RAD51B: variants seen among roughly 807,000 people sequenced by gnomAD.
RAD51B encodes the protein DNA repair protein RAD51 homolog 2.
In RAD51B, 38 loss-of-function variants were observed where a neutral mutation model predicts 42.2. The ratio of observed to expected loss-of-function variants is 0.90; its 90% CI spans 0.70 to 1.18. The LOEUF is 1.18. Among genes scored for constraint, RAD51B ranks in the 50% most tolerant of loss-of-function variants. The probability of loss-of-function intolerance (pLI) is 0.00; values close to 1 mark genes in which losing one functional copy is unlikely to be tolerated. For missense variants in RAD51B, 373 were observed against 400.7 expected, an observed-to-expected ratio of 0.93 and a Z score of 0.59; for synonymous variants, 154 against 145.2, an observed-to-expected ratio of 1.06 and a Z score of -0.43.
intron 7 of RAD51B, among the ~76,000 whole-genome samples, chr14:68,250,505 T>A (rs1379722071): frequency 6.6e-6 from 1 of 152,250 alleles, no homozygotes; most frequent in Non-Finnish European, 1.5e-5. Context: ...TTCCTTTAAG[T>A]AGATGTTTTC....
At chr14:68,020,309 G>A (rs1317664491) in intron 7 of RAD51B, among the ~76,000 whole-genome samples, 1 of 151,858 alleles carries the variant, frequency 6.6e-6, no homozygotes, top group Non-Finnish European at 1.5e-5. Flanking sequence ...CCAGGGTTTC[G>A]CTATTTGCCC....
Position 68,328,696 on chromosome 14 carries a change from G to C in RAD51B, c.853+36716G>C, listed in dbSNP as rs1424000153. 4.6e-5 allele frequency among the ~76,000 whole-genome samples: 7 copies of C among 152,308 alleles called. 1 individual carries two copies. The East Asian group carries it at 5.8e-4, about 13-fold the overall frequency. On this transcript the variant is annotated intron_variant, in intron 8 of 10. Transcript: ENST00000471583. ...CAGACCAAACGAGTTTCAGTGCTTG[G>C]TTTAGAAATGAATATGTAACCGAAG... is the stretch of plus-strand genomic sequence containing the variant.
chr14:68,580,317 G>A (rs930879866), intron 10 of RAD51B, among the ~76,000 whole-genome samples: 10 of 150,470 alleles, frequency 6.6e-5, no homozygotes, highest in Non-Finnish European at 1.5e-4. Flanking sequence ...CCTGATCTCA[G>A]AGCTTAGCAC....
chr14:67,865,826 C>T (rs1286645376), intron 5 of RAD51B, among the ~76,000 whole-genome samples: 1 of 152,222 alleles, frequency 6.6e-6, no homozygotes, highest in African/African-American at 2.4e-5. Context: ...GTGTGAGCCA[C>T]TGCGCCTGGC....
At chr14:68,162,414 G>T (rs2078658792) in intron 7 of RAD51B, among the ~76,000 whole-genome samples, 1 of 152,000 alleles carries the variant, frequency 6.6e-6, no homozygotes. Flanking sequence ...TGCTTTTAAA[G>T]GAAATATATA....
rs145387559 is a variant in RAD51B, at chr14:68,578,504, C to T, written c.1037-15981C>T. Among the ~76,000 whole-genome samples the T allele has an allele frequency of 9.4e-3, 1,436 of 152,254 alleles. 19 individuals carry two copies. Among genetic ancestry groups the T allele is most frequent in the African/African-American group, 0.032 (1,324 of 41,544 alleles). ...CTTTCATGGAGGTTTCAGAATCTGC[C>T]GGCCCACCTCACACATGACTTCCTA... On this transcript the variant is annotated intron_variant, in intron 10 of 10. Coordinates refer to the RAD51B transcript ENST00000487270.
chr14:68,229,118 C>A (rs573359339), intron 7 of RAD51B, among the ~76,000 whole-genome samples: 1 of 152,276 alleles, frequency 6.6e-6, no homozygotes, highest in Non-Finnish European at 1.5e-5. Context: ...CCTTTGAGAC[C>A]TAGCTTCATA....
intron 10 of RAD51B, among the ~76,000 whole-genome samples, chr14:68,537,274 G>A (rs562187771): frequency 5.9e-5 from 9 of 152,076 alleles, no homozygotes; most frequent in East Asian, 1.9e-4. Flanking sequence ...CGAGGCGGGC[G>A]GATCACGAGG....
intron 10 of RAD51B, among the ~76,000 whole-genome samples, chr14:68,579,842 T>A (rs890896611): frequency 1.3e-5 from 2 of 152,144 alleles, no homozygotes; most frequent in African/African-American, 4.8e-5. Context: ...GGTCATGGGG[T>A]TCACGGGCAT....
chr14:68,541,468 C>G lies in RAD51B; in HGVS notation c.1037-53017C>G, dbSNP rs1004656792. ...ATGCCTGTCAGGAGGGGGAATGGCCCCTCTGGCTGAAACAGTGGAAGGAGC... is the reference window on the plus strand; with the variant it reads ...ATGCCTGTCAGGAGGGGGAATGGCCGCTCTGGCTGAAACAGTGGAAGGAGC... On this transcript the variant is annotated intron_variant, in intron 10 of 10. Transcript: ENST00000487270. 3 of 985,272 alleles carry G rather than the reference C, an allele frequency of 3.0e-6. No homozygotes were observed. The African/African-American group carries it at 5.2e-5, about 17-fold the overall frequency. The allele number at this position is 985,272 out of a possible 1,614,324, so 61.0% of individuals were successfully genotyped here.
At chr14:68,019,020 C>G (rs529885355) in intron 7 of RAD51B, among the ~76,000 whole-genome samples, 2 of 152,088 alleles carry the variant, frequency 1.3e-5, no homozygotes, top group South Asian at 4.2e-4. Context: ...ATATAGTAAG[C>G]ATTCAATACA....
intron 7 of RAD51B, among the ~76,000 whole-genome samples, chr14:68,038,886 T>G (rs2076174679): frequency 6.6e-6 from 1 of 152,240 alleles, no homozygotes; most frequent in African/African-American, 2.4e-5. Flanking sequence ...TTTTATTATC[T>G]ATGCTCTTGA....
intron 8 of RAD51B, among the ~76,000 whole-genome samples, chr14:68,303,567 T>C (rs1463055371): frequency 1.3e-5 from 2 of 152,072 alleles, no homozygotes; most frequent in East Asian, 1.9e-4. Context: ...GGGATGGAGA[T>C]GAAACTATAG....
chr14:68,429,482 G>T (rs2084943941), intron 9 of RAD51B, among the ~76,000 whole-genome samples: 1 of 152,194 alleles, frequency 6.6e-6, no homozygotes, highest in Admixed American at 6.5e-5. Flanking sequence ...TTGTGATTTT[G>T]ATTTGCATTT....
intron 10 of RAD51B, among the ~76,000 whole-genome samples, chr14:68,495,766 T>A (rs1337638375): frequency 6.6e-6 from 1 of 152,052 alleles, no homozygotes; most frequent in Non-Finnish European, 1.5e-5. Context: ...CTTGACTAGG[T>A]GGAATAAATA....
intron 11 of RAD51B, among the ~76,000 whole-genome samples, chr14:68,651,976 G>A (rs61987120): frequency 0.06 from 9,129 of 152,188 alleles, 328 homozygotes; most frequent in African/African-American, 0.088. Context: ...AGCACAGGGC[G>A]CATCTGGGAA....
At chr14:68,279,017 T>C (rs1253734332) in intron 7 of RAD51B, among the ~76,000 whole-genome samples, 2 of 152,224 alleles carry the variant, frequency 1.3e-5, no homozygotes, top group African/African-American at 2.4e-5. Flanking sequence ...TCTCAGTACA[T>C]TCCACAAAGA....
At chr14:68,286,774 G>T (rs907872265) in intron 7 of RAD51B, among the ~76,000 whole-genome samples, 2 of 152,180 alleles carry the variant, frequency 1.3e-5, no homozygotes, top group Non-Finnish European at 2.9e-5. Context: ...GTGTAGCCTG[G>T]GTATAGTCTA....
chr14:68,169,649 C>T (rs755610600), intron 7 of RAD51B, among the ~76,000 whole-genome samples: 2 of 150,634 alleles, frequency 1.3e-5, no homozygotes, highest in Non-Finnish European at 3.0e-5. Flanking sequence ...CCTGCTGGCT[C>T]GAATTTTCCT....
Sources: gnomAD v4.1 joint callset for allele counts (sites outside exome capture counted in the v4.1 genomes callset) on GRCh38, gnomAD v4.1.1 for gene constraint, MANE v1.5 for transcripts, NCBI Gene and HGNC (gene_info 2026-07-23, HGNC 2026-07-21) for gene names.